The following CACNA2D1 variants were observed in gnomAD, a reference collection of about 807,000 sequenced individuals.
The protein encoded by CACNA2D1 is voltage-dependent calcium channel subunit alpha-2/delta-1.
A neutral mutation model predicts 171.5 loss-of-function variants in CACNA2D1; 53 were observed. That is an observed-to-expected ratio of 0.31 (90% CI 0.25 to 0.39). The LOEUF (loss-of-function observed/expected upper bound fraction) is 0.39, where lower values mean the gene tolerates loss of function less well. Among genes scored for constraint, CACNA2D1 ranks in the 10% least tolerant of loss-of-function variants. The pLI, the probability that CACNA2D1 is intolerant of heterozygous loss-of-function variation, is 1.00. For synonymous variants in CACNA2D1, 442 were observed against 443.1 expected (o/e 1.00, Z 0.03); for missense variants, 903 against 1,299.8 (o/e 0.69, Z 4.69).
chr7:82,318,231 T>TA (rs1433813325), intron 3 of CACNA2D1, among the ~76,000 whole-genome samples: 1 of 152,098 alleles, frequency 6.6e-6, no homozygotes, highest in Non-Finnish European at 1.5e-5. Context: ...CATTGCTAAT[T>TA]AAAAAAGTGA....
chr7:82,146,362 A>C (rs1793061462), intron 4 of CACNA2D1, among the ~76,000 whole-genome samples: 1 of 146,386 alleles, frequency 6.8e-6, no homozygotes, highest in African/African-American at 2.5e-5. Context: ...ATATATATAT[A>C]TCTTTACATA....
intron 24 of CACNA2D1, among the ~76,000 whole-genome samples, chr7:81,975,028 A>T (rs1304174525): frequency 3.4e-5 from 5 of 146,402 alleles, no homozygotes; most frequent in Admixed American, 6.8e-5. Flanking sequence ...AACTTAAAAT[A>T]AAAAAAAAAT....
chr7:82,331,467 T>C (rs1563379025), intron 3 of CACNA2D1, among the ~76,000 whole-genome samples: 1 of 152,184 alleles, frequency 6.6e-6, no homozygotes, highest in Non-Finnish European at 1.5e-5. Flanking sequence ...AGCCTCAAAA[T>C]ATTTCTCTTT....
intron 3 of CACNA2D1, among the ~76,000 whole-genome samples, chr7:82,302,624 G>C (rs1015132192): frequency 1.3e-5 from 2 of 152,050 alleles, no homozygotes; most frequent in African/African-American, 4.8e-5. Flanking sequence ...TGTTGGTCAG[G>C]CTGGTCTCGA....
chr7:82,200,977 C>T (rs780419357), intron 3 of CACNA2D1, among the ~76,000 whole-genome samples: 1 of 152,122 alleles, frequency 6.6e-6, no homozygotes. Context: ...TAAAGGGTTC[C>T]TAATAAAACA....
intron 3 of CACNA2D1, among the ~76,000 whole-genome samples, chr7:82,330,017 A>G (rs903660261): frequency 6.6e-6 from 1 of 152,076 alleles, no homozygotes; most frequent in African/African-American, 2.4e-5. Context: ...GGCCTAATAC[A>G]TAAGAGTCAT....
intron 3 of CACNA2D1, among the ~76,000 whole-genome samples, chr7:82,219,941 T>A (rs1801565762): frequency 6.6e-6 from 1 of 152,164 alleles, no homozygotes; most frequent in Non-Finnish European, 1.5e-5. Flanking sequence ...ATACTTAGAA[T>A]CTTTATAAAA....
intron 3 of CACNA2D1, among the ~76,000 whole-genome samples, chr7:82,290,810 G>A (rs1298762031): frequency 1.3e-5 from 2 of 151,546 alleles, no homozygotes; most frequent in Non-Finnish European, 2.9e-5. Flanking sequence ...TGGTCAGGCT[G>A]GTCTCAAACT....
At chr7:82,187,556 CA>C (rs71093368) in intron 3 of CACNA2D1, among the ~76,000 whole-genome samples, 51,787 of 150,438 alleles carry the variant, frequency 0.34, 9,043 homozygotes, top group East Asian at 0.48. Context: ...TAAACATTGC[CA>C]AAAAAAAAGA....
At chr7:81,955,400 T>A (rs1391345315) in intron 38 of CACNA2D1, among the ~76,000 whole-genome samples, 1 of 152,164 alleles carries the variant, frequency 6.6e-6, no homozygotes, top group Non-Finnish European at 1.5e-5. Flanking sequence ...TTTTTTGTAA[T>A]GATTTTTTTC....
chr7:82,083,194 A>T (rs936248830), intron 7 of CACNA2D1, among the ~76,000 whole-genome samples: 1 of 152,004 alleles, frequency 6.6e-6, no homozygotes, highest in Non-Finnish European at 1.5e-5. Context: ...TATTGTTATG[A>T]TAAAGGATAT....
rs1383593156 is a variant in CACNA2D1 at position 82,282,714 on chromosome 7, A to G, written c.294+52421T>C. 8.3e-5 allele frequency among the ~76,000 whole-genome samples: 12 copies of G among 143,892 alleles called. No individual in the cohort carries two copies. The South Asian group carries it at 1.1e-3, about 13-fold the overall frequency. 94.4% of individuals were successfully genotyped at this position (143,892 alleles called of 152,430 possible). ...TAAAATTGTAAAATGTGGGGGGGGG[A>G]ATCACAGAGGGTTATCTATAAAAAT... is the stretch of plus-strand genomic sequence containing the variant. On this transcript the variant is annotated intron_variant, in intron 3 of 38. Coordinates refer to ENST00000356860, the MANE Select transcript of CACNA2D1 (RefSeq NM_000722.4).
chr7:82,351,336 A>C (rs2129446096), intron 1 of CACNA2D1, among the ~76,000 whole-genome samples: 1 of 151,872 alleles, frequency 6.6e-6, no homozygotes, highest in South Asian at 2.1e-4. Context: ...ATAAAAATAT[A>C]ACATGGAAGA....
chr7:82,291,307 TATAA>T (rs1811534955), intron 3 of CACNA2D1, among the ~76,000 whole-genome samples: 1 of 141,482 alleles, frequency 7.1e-6, no homozygotes, highest in South Asian at 2.1e-4. Flanking sequence ...ATATATAATA[TATAA>T]ATATACATCT....
chr7:82,128,031 T>C (rs258691), intron 5 of CACNA2D1, among the ~76,000 whole-genome samples: 52,158 of 151,662 alleles, frequency 0.34, 9,111 homozygotes, highest in East Asian at 0.45. Flanking sequence ...TCAAGCAATC[T>C]TCCCACCTCA....
chr7:81,977,734 A>G (rs964536767), intron 24 of CACNA2D1, among the ~76,000 whole-genome samples: 8 of 152,214 alleles, frequency 5.3e-5, no homozygotes, highest in East Asian at 1.9e-4. Context: ...GCCAAAATTG[A>G]CAAATGGTAT....
chr7:82,059,224 A>C (rs898425500), intron 10 of CACNA2D1, among the ~76,000 whole-genome samples: 1 of 152,158 alleles, frequency 6.6e-6, no homozygotes, highest in Non-Finnish European at 1.5e-5. Flanking sequence ...GTGTAAATAT[A>C]TCTTCCAGAA....
In CACNA2D1 at chr7:82,136,810, A is replaced by G. The variant is rs1791675531; in HGVS notation, c.355-134T>C. The G allele has an allele frequency of 3.0e-5, 20 of 670,028 alleles. No individual in the cohort carries two copies. The South Asian group carries it at 4.1e-4, about 14-fold the overall frequency. The allele number at this position is 670,028 out of a possible 1,614,324, so 41.5% of individuals were successfully genotyped here. A position where few individuals can be genotyped will look rare whatever the true frequency, so the allele number is the denominator to read the frequency against. The stretch of plus-strand genomic sequence containing the variant: ...CACAATATATTCCACAATGATCCAT[A>G]AGGATTAGCCACTATTTTTCCAGGA... On this transcript the variant is annotated intron_variant, in intron 4 of 38. Transcript: ENST00000356860.
chr7:82,397,302 T>A (rs764722434), intron 1 of CACNA2D1, among the ~76,000 whole-genome samples: 1 of 152,186 alleles, frequency 6.6e-6, no homozygotes. Flanking sequence ...AATAAAAAAA[T>A]TGAATATTCT....
Sources: allele counts gnomAD v4.1 joint callset (sites outside exome capture counted in the v4.1 genomes callset), GRCh38; gene constraint gnomAD v4.1.1; transcripts MANE v1.5; gene names NCBI Gene and HGNC (gene_info 2026-07-23, HGNC 2026-07-21).